VPS13B: variants seen among roughly 807,000 people sequenced by gnomAD.
VPS13B encodes intermembrane lipid transfer protein VPS13B.
In VPS13B, 285 loss-of-function variants were observed where a neutral mutation model predicts 426.4. The ratio of observed to expected loss-of-function variants is 0.67; its 90% CI spans 0.61 to 0.74. VPS13B has a LOEUF of 0.74. VPS13B is among the 30% of genes least tolerant of loss of function. The pLI is 0.00. For synonymous variants in VPS13B, 1,676 were observed against 1,676.4 expected, an observed-to-expected ratio of 1.00 and a Z score of 0.01; for missense variants, 4,537 against 4,782.6, an observed-to-expected ratio of 0.95 and a Z score of 1.51.
At chr8:99,229,520 G>T (rs1472660138) in intron 17 of VPS13B, among the ~76,000 whole-genome samples, 1 of 152,134 alleles carries the variant, frequency 6.6e-6, no homozygotes, top group East Asian at 1.9e-4. Flanking sequence ...TTAACAGTTT[G>T]ACACTATGTA....
intron 17 of VPS13B, among the ~76,000 whole-genome samples, chr8:99,198,310 A>G (rs901580815): frequency 3.6e-4 from 55 of 152,024 alleles, no homozygotes; most frequent in African/African-American, 1.3e-3. Context: ...TTTTCTTCAG[A>G]GTATTTTTTG....
intron 17 of VPS13B, among the ~76,000 whole-genome samples, chr8:99,237,472 G>A (rs1307289490): frequency 6.6e-6 from 1 of 152,124 alleles, no homozygotes; most frequent in Non-Finnish European, 1.5e-5. Flanking sequence ...CTAATGTAAA[G>A]TGGAGGCAAG....
At chr8:99,718,830 C>A (rs1346894901) in intron 37 of VPS13B, among the ~76,000 whole-genome samples, 1 of 151,846 alleles carries the variant, frequency 6.6e-6, no homozygotes, top group Non-Finnish European at 1.5e-5. Flanking sequence ...CTATGCTTGA[C>A]TATTTTTTTT....
At chr8:99,152,418 G>T in intron 14 of VPS13B, among the ~76,000 whole-genome samples, 1 of 152,178 alleles carries the variant, frequency 6.6e-6, no homozygotes, top group Non-Finnish European at 1.5e-5. Flanking sequence ...GGCTTAGAAT[G>T]TGTCTGTGTT....
chr8:99,355,916 A>C, intron 19 of VPS13B, among the ~76,000 whole-genome samples: 1 of 152,076 alleles, frequency 6.6e-6, no homozygotes, highest in Non-Finnish European at 1.5e-5. Context: ...ATTAACTACT[A>C]TATTGTTAGT....
intron 25 of VPS13B, among the ~76,000 whole-genome samples, chr8:99,494,418 TCA>T (rs1820783905): frequency 6.6e-6 from 1 of 152,172 alleles, no homozygotes; most frequent in Admixed American, 6.5e-5. Flanking sequence ...TTTTACTTCC[TCA>T]GTTATGTTTA....
chr8:99,688,923 T>C (rs942089682), intron 35 of VPS13B, among the ~76,000 whole-genome samples: 8 of 152,044 alleles, frequency 5.3e-5, no homozygotes. Context: ...GAAATTCTAT[T>C]GAGGGGCAAT....
At chr8:99,309,042 T>G (rs1483440100) in intron 19 of VPS13B, among the ~76,000 whole-genome samples, 1 of 152,222 alleles carries the variant, frequency 6.6e-6, no homozygotes, top group African/African-American at 2.4e-5. Context: ...GTTTTTTTCT[T>G]GTAAATTTGT....
At chr8:99,476,957 G>A (rs1412949309) in intron 24 of VPS13B, among the ~76,000 whole-genome samples, 1 of 152,022 alleles carries the variant, frequency 6.6e-6, no homozygotes, top group Non-Finnish European at 1.5e-5. Flanking sequence ...ATAAGATTGA[G>A]CTTTTTTCAC....
intron 43 of VPS13B, among the ~76,000 whole-genome samples, chr8:99,802,165 A>C (rs1049117865): frequency 2.6e-5 from 4 of 152,014 alleles, no homozygotes; most frequent in Non-Finnish European, 4.4e-5. Context: ...AAAAAAAAAA[A>C]AACAAGCTGT....
At chr8:99,832,259 C>CAAAA in intron 51 of VPS13B, 110 bp from the exon 52 acceptor site, 4 of 1,161,882 alleles carry the variant, frequency 3.4e-6, no homozygotes, top group Non-Finnish European at 3.4e-6. Context: ...GAGACTGTCT[C>CAAAA]AAAAAAAAAA....
chr8:99,847,540 T>C (rs1387616318), intron 54 of VPS13B, among the ~76,000 whole-genome samples: 3 of 151,872 alleles, frequency 2.0e-5, no homozygotes, highest in Non-Finnish European at 2.9e-5. Context: ...GAGTAGTGAG[T>C]GGCAGGCAAG....
At chr8:99,131,609 A>G (rs1809809192) in intron 8 of VPS13B, among the ~76,000 whole-genome samples, 1 of 152,222 alleles carries the variant, frequency 6.6e-6, no homozygotes, top group African/African-American at 2.4e-5. Context: ...TTAAGTGTCC[A>G]ACAGTATGTC....
At chr8:99,277,806 G>A (rs1391951140) in intron 19 of VPS13B, among the ~76,000 whole-genome samples, 2 of 152,088 alleles carry the variant, frequency 1.3e-5, no homozygotes, top group Admixed American at 6.5e-5. Flanking sequence ...AGGACGTTTT[G>A]TCTCTTTTTG....
rs759076411 is a variant in VPS13B, at chr8:99,875,526, C to T, written c.11854C>T (p.Pro3952Ser). ...CCCCAGCTGTTCTTCCATGCAAATA[C>T]CATGCCCTGTGGTGGCTGCAGAACC... ...LAPSCSSMQI[P>S]CPVVAAEPPP... The change falls in exon 62 of 62, where the codon CCA becomes TCA. Residue 3952 changes from proline to serine, a missense_variant. Physicochemically the swap from Pro to Ser is moderately conservative, Grantham distance 74 (BLOSUM62 -1). Coordinates refer to ENST00000357162, the MANE Select transcript of VPS13B (RefSeq NM_152564.5). 3 of 1,614,088 alleles carry T rather than the reference C, an allele frequency of 1.9e-6. No individual in the cohort carries two copies. Among genetic ancestry groups the T allele is most frequent in the Non-Finnish European group, 2.5e-6 (3 of 1,179,956 alleles).
chr8:99,844,344 G>A (rs1430337757), intron 54 of VPS13B, among the ~76,000 whole-genome samples: 2 of 151,160 alleles, frequency 1.3e-5, no homozygotes, highest in South Asian at 2.1e-4. Context: ...TGATGGAAGG[G>A]ATGAGGGGCT....
At position 99,201,377 on chromosome 8, in the gene VPS13B, A is replaced by G. The variant is rs553162310; in HGVS notation, c.2515+8320A>G. 2.0e-5 allele frequency among the ~76,000 whole-genome samples: 3 copies of G among 152,276 alleles called. No individual in the cohort carries two copies. The East Asian group carries it at 5.8e-4, about 29-fold the overall frequency. On this transcript the variant is annotated intron_variant, in intron 17 of 61. Transcript: ENST00000357162. Reference sequence around the variant, plus strand: ...AGAATTTGAAAAGACTAGAATAGAAACTTTGTGCCTCAGTCTTCTCATTCT... The same window carrying G: ...AGAATTTGAAAAGACTAGAATAGAAGCTTTGTGCCTCAGTCTTCTCATTCT...
intron 3 of VPS13B, among the ~76,000 whole-genome samples, chr8:99,045,315 A>AT (rs751044548): frequency 1.2e-4 from 18 of 151,630 alleles, no homozygotes; most frequent in Non-Finnish European, 2.5e-4. Flanking sequence ...TGATGTGAAC[A>AT]TTTTTTCATA....
At chr8:99,129,193 A>G (rs1563557262) in intron 8 of VPS13B, among the ~76,000 whole-genome samples, 1 of 152,132 alleles carries the variant, frequency 6.6e-6, no homozygotes, top group East Asian at 1.9e-4. Flanking sequence ...TACTGAAAAA[A>G]ATTATTTTTG....
Sources: allele counts gnomAD v4.1 joint callset (sites outside exome capture counted in the v4.1 genomes callset), GRCh38; gene constraint gnomAD v4.1.1; transcripts MANE v1.5; gene names NCBI Gene and HGNC (gene_info 2026-07-23, HGNC 2026-07-21).